Variants in PPP1R12A observed in about 807,000 individuals in gnomAD.
PPP1R12A encodes myosin binding subunit.
A neutral mutation model predicts 139.6 loss-of-function variants in PPP1R12A; 19 were observed. That is an observed-to-expected ratio of 0.14 (90% confidence interval 0.09 to 0.20). The LOEUF (loss-of-function observed/expected upper bound fraction) is 0.20. Ranked by LOEUF, PPP1R12A falls within the 10% of genes least tolerant of loss-of-function variation. The probability of loss-of-function intolerance (pLI) is 1.00; values close to 1 mark genes in which losing one functional copy is unlikely to be tolerated. For missense variants in PPP1R12A, 925 were observed against 1,211.5 expected, an observed-to-expected ratio of 0.76 and a Z score of 3.51; for synonymous variants, 427 against 420.6, an observed-to-expected ratio of 1.02 and a Z score of -0.19.
chr12:79,773,624 C>G lies in PPP1R12A; in HGVS notation c.*2305G>C, dbSNP rs1426081082. 1 of 152,140 alleles carries G rather than the reference C, an allele frequency of 6.6e-6. No homozygotes were observed. The highest frequency in any genetic ancestry group is 1.5e-5 in the Non-Finnish European group (1 of 68,024). The allele number at this position is 152,140 out of a possible 1,614,324, so 9.4% of individuals were successfully genotyped here. On this transcript the variant is annotated 3_prime_UTR_variant, in exon 25 of 25. Transcript: ENST00000450142. ...ATAAACATTTGTCCAAATTGGTACA[C>G]AGATTGCATAAATATGGCAATTAAG...
At position 79,823,262 on chromosome 12, in the gene PPP1R12A, A is replaced by T. The variant is rs562401423; in HGVS notation, c.793-1072T>A. On this transcript the variant is annotated intron_variant, in intron 5 of 24. Coordinates refer to ENST00000450142, the MANE Select transcript of PPP1R12A (RefSeq NM_002480.3). ...TAGAATACAGTCTTCTTTGTATGTT[A>T]TCCAGTATATGATCCTTTCACAGAA... is the stretch of plus-strand genomic sequence containing the variant. 7.2e-5 allele frequency among the ~76,000 whole-genome samples: 11 copies of T among 152,236 alleles called. No individual in the cohort carries two copies. The South Asian group carries it at 2.3e-3, about 32-fold the overall frequency.
intron 2 of PPP1R12A, among the ~76,000 whole-genome samples, chr12:79,854,549 T>G (rs1040048135): frequency 1.3e-5 from 2 of 152,238 alleles, no homozygotes; most frequent in Non-Finnish European, 2.9e-5. Context: ...CAGAATAGTG[T>G]AGTATCTAAA....
In PPP1R12A at chr12:79,910,245, T is replaced by C. The variant is rs370068467; in HGVS notation, c.237+24450A>G. Among the ~76,000 whole-genome samples the C allele has an allele frequency of 3.6e-4, 55 of 152,042 alleles. 2 individuals carry two copies. The South Asian group carries it at 0.011, about 31-fold the overall frequency. On this transcript the variant is annotated intron_variant, in intron 1 of 24. Coordinates refer to ENST00000450142, the MANE Select transcript of PPP1R12A (RefSeq NM_002480.3). The stretch of plus-strand genomic sequence containing the variant: ...CTGTAATCCCAGCACTTTAGGAGGA[T>C]GAGGTGGGAGGATCACCTGAGGTCA...
upstream of PPP1R12A, chr12:79,935,451 G>C (rs1888595767): frequency 3.0e-6 from 3 of 988,264 alleles, no homozygotes; most frequent in Non-Finnish European, 3.6e-6. Context: ...CTACAGGGCA[G>C]ATCTGCCTCC....
chr12:79,799,725 T>C (rs1254672753), intron 14 of PPP1R12A, among the ~76,000 whole-genome samples: 2 of 152,104 alleles, frequency 1.3e-5, no homozygotes, highest in Non-Finnish European at 2.9e-5. Flanking sequence ...AAAAGTTAAG[T>C]AGGGCTGGGT....
intron 5 of PPP1R12A, among the ~76,000 whole-genome samples, chr12:79,826,644 C>T (rs1316682723): frequency 6.6e-6 from 1 of 152,044 alleles, no homozygotes; most frequent in African/African-American, 2.4e-5. Flanking sequence ...ATTTTACATG[C>T]ACTCCTTCTC....
At chr12:79,814,815 CA>C (rs149384466) in intron 9 of PPP1R12A, among the ~76,000 whole-genome samples, 794 of 69,682 alleles carry the variant, frequency 0.011, 7 homozygotes, top group African/African-American at 0.048. Context: ...AACTCTGTCT[CA>C]AAAAAAAAAA....
At chr12:79,786,715 A>T (rs1871178908) in intron 21 of PPP1R12A, 1 of 308,204 alleles carries the variant, frequency 3.2e-6, no homozygotes, top group South Asian at 6.1e-5. Context: ...TTCACAGAAA[A>T]ATTGGACTTT....
chr12:79,790,382 C>T (rs1466667979), intron 20 of PPP1R12A, 85 bp downstream of exon 20: 17 of 982,612 alleles, frequency 1.7e-5, no homozygotes, highest in African/African-American at 6.6e-5. Context: ...TATAAACTTA[C>T]AAAATCCATA....
intron 14 of PPP1R12A, among the ~76,000 whole-genome samples, chr12:79,804,197 A>AAAAGC (rs775428355): frequency 6.2e-4 from 94 of 152,200 alleles, no homozygotes; most frequent in Middle Eastern, 3.4e-3. Context: ...CACCACCAAA[A>AAAAGC]AAAGCAAAGC....
rs1875545735 is a variant in PPP1R12A, at chr12:79,817,424, A to C, written c.1209T>G (p.Gly403=). 1 of 1,612,088 alleles carries C rather than the reference A, an allele frequency of 6.2e-7. No homozygotes were observed. The highest frequency in any genetic ancestry group is 8.5e-7 in the Non-Finnish European group (1 of 1,178,902). Residue 403 remains glycine (G), a synonymous_variant, in exon 9 of 25, where the codon GGT becomes GGG. Coordinates refer to ENST00000450142, the MANE Select transcript of PPP1R12A (RefSeq NM_002480.3). ...TAATAGGTGATGTAGGTGTTGCTTG[A>C]CCTGATGACACAGTAGGTGTTGTAA... ...VAVTTPTVSS[G]QATPTSPIKK... is the part of the protein sequence containing the mutation.
chr12:79,790,502 A>C lies in PPP1R12A; in HGVS notation c.2650-19T>G. On this transcript the variant is annotated intron_variant, in intron 19 of 24. Coordinates refer to ENST00000450142, the MANE Select transcript of PPP1R12A (RefSeq NM_002480.3). ...AATCCGTCTGGAAAGAAAGAGAAAA[A>C]CATAGGCATACTAAATTTTTATGCT... is the stretch of plus-strand genomic sequence containing the variant. 7.3e-7 allele frequency: 1 copy of C among 1,378,284 alleles called. No homozygotes were observed. Among genetic ancestry groups the C allele is most frequent in the Non-Finnish European group, 9.8e-7 (1 of 1,023,996 alleles). The allele number at this position is 1,378,284 out of a possible 1,614,324, so 85.4% of individuals were successfully genotyped here.
At chr12:79,934,554 TG>T in intron 1 of PPP1R12A, 140 bp downstream of exon 1, 1 of 772,842 alleles carries the variant, frequency 1.3e-6, no homozygotes, top group Non-Finnish European at 2.0e-6. Flanking sequence ...TCCCGCCCTC[TG>T]GGGAAACCGC....
At chr12:79,900,526 T>C (rs989424667) in intron 1 of PPP1R12A, among the ~76,000 whole-genome samples, 2 of 152,192 alleles carry the variant, frequency 1.3e-5, no homozygotes, top group Admixed American at 6.5e-5. Flanking sequence ...ACTTAAATCA[T>C]GAACAAAGCT....
intron 9 of PPP1R12A, among the ~76,000 whole-genome samples, chr12:79,816,890 C>A (rs2137098106): frequency 6.6e-6 from 1 of 152,254 alleles, no homozygotes. Flanking sequence ...CTCCTACTGA[C>A]ATACCAAAGT....
At chr12:79,823,361 C>G (rs1876370912) in intron 5 of PPP1R12A, among the ~76,000 whole-genome samples, 1 of 151,974 alleles carries the variant, frequency 6.6e-6, no homozygotes, top group African/African-American at 2.4e-5. Context: ...TTCCTATATC[C>G]ACAACAAGAT....
At chr12:79,906,371 A>G (rs2137501145) in intron 1 of PPP1R12A, among the ~76,000 whole-genome samples, 1 of 152,258 alleles carries the variant, frequency 6.6e-6, no homozygotes, top group Middle Eastern at 3.4e-3. Flanking sequence ...AAACACATAA[A>G]AATTAGGCAA....
intron 2 of PPP1R12A, among the ~76,000 whole-genome samples, chr12:79,866,796 G>A (rs1367619162): frequency 2.0e-5 from 3 of 152,142 alleles, no homozygotes; most frequent in African/African-American, 2.4e-5. Context: ...TTAGAATGGC[G>A]ATCATTAAAA....
chr12:79,858,058 C>T, intron 2 of PPP1R12A, among the ~76,000 whole-genome samples: 1 of 152,190 alleles, frequency 6.6e-6, no homozygotes, highest in East Asian at 1.9e-4. Context: ...TCTAAGACTT[C>T]TAATCAAAAT....
Sources: gnomAD v4.1 joint callset for allele counts (sites outside exome capture counted in the v4.1 genomes callset) on GRCh38, gnomAD v4.1.1 for gene constraint, MANE v1.5 for transcripts, NCBI Gene and HGNC (gene_info 2026-07-23, HGNC 2026-07-21) for gene names.